Variants in FMNL1 observed in about 807,000 individuals in gnomAD.
The protein encoded by FMNL1 is formin-like protein 1.
A neutral mutation model predicts 121.3 loss-of-function variants in FMNL1; 43 were observed. That is an observed-to-expected ratio of 0.35 (90% confidence interval 0.28 to 0.46). The LOEUF (loss-of-function observed/expected upper bound fraction) is 0.46, where lower values mean the gene tolerates loss of function less well. FMNL1 is among the 20% of genes least tolerant of loss of function. The pLI is 1.00. For missense variants in FMNL1, 1,191 were observed against 1,482.4 expected (o/e 0.80, Z 3.23); for synonymous variants, 613 against 613.5 (o/e 1.00, Z 0.01).
intron 19 of FMNL1, 130 bp from the exon 20 acceptor site, chr17:45,244,689 G>T: frequency 3.3e-6 from 3 of 908,650 alleles, no homozygotes; most frequent in Non-Finnish European, 5.1e-6. Context: ...TGAGGGGCCT[G>T]TGCAGGAGTA....
Position 45,245,704 on chromosome 17 carries a change from C to T in FMNL1, c.2965C>T (p.Leu989Phe). 8 of 1,614,114 alleles carry T rather than the reference C, an allele frequency of 5.0e-6. No homozygotes were observed. Among genetic ancestry groups the T allele is most frequent in the South Asian group, 1.1e-5 (1 of 91,088 alleles). Residue 989 changes from leucine to phenylalanine, a missense_variant, in exon 23 of 27, where the codon CTC becomes TTC. Transcript: ENST00000331495. ...KTTSPGLFFS[L>F]FSRFIKAYKK... ...CACATCCCCAGGCCTGTTCTTCTCC[C>T]TCTTTAGCCGCTTCATTAAGGCCTA...
In FMNL1 at chr17:45,233,399, G is replaced by A; in HGVS notation, c.401+102G>A. On this transcript the variant is annotated intron_variant, in intron 4 of 26. Transcript: ENST00000331495. The surrounding 1 kb of genome is among the most constrained non-coding windows in gnomAD (Gnocchi z 4.1). ...CTACTCCCCCTGCCCCCTGCACAAG[G>A]CTGTGCTTGTGGACCACCTCCTGGA... 7.7e-7 allele frequency: 1 copy of A among 1,292,428 alleles called. No homozygotes were observed. The highest frequency in any genetic ancestry group is 1.1e-6 in the Non-Finnish European group (1 of 941,166). 80.1% of individuals were successfully genotyped at this position (1,292,428 alleles called of 1,614,324 possible).
At position 45,233,498 on chromosome 17, in the gene FMNL1, G is replaced by T; in HGVS notation, c.402-150G>T. ...CACCTTGAGGCATGGCTGGGCTGTGGGACCCACCTGAGTCTCCCAGAATCC... is the reference window on the plus strand; with the variant it reads ...CACCTTGAGGCATGGCTGGGCTGTGTGACCCACCTGAGTCTCCCAGAATCC... On this transcript the variant is annotated intron_variant, in intron 4 of 26. Coordinates refer to ENST00000331495, the MANE Select transcript of FMNL1 (RefSeq NM_005892.4). The surrounding 1 kb of genome is among the most constrained non-coding windows in gnomAD (Gnocchi z 4.1). 1 of 1,030,768 alleles carries T rather than the reference G, an allele frequency of 9.7e-7. No individual in the cohort carries two copies. The highest frequency in any genetic ancestry group is 1.4e-6 in the Non-Finnish European group (1 of 710,502). The allele number at this position is 1,030,768 out of a possible 1,614,324, so 63.9% of individuals were successfully genotyped here. A position where few individuals can be genotyped will look rare whatever the true frequency, so the allele number is the denominator to read the frequency against.
intron 3 of FMNL1, chr17:45,232,738 A>G (rs2043465276): frequency 1.7e-6 from 1 of 603,882 alleles, no homozygotes; most frequent in Admixed American, 2.3e-5. Flanking sequence ...ACACATGTGC[A>G]GCCCATATGT....
At chr17:45,240,977 G>A (rs1265068173) in intron 12 of FMNL1, 152 bp from the exon 13 acceptor site, 2 of 910,122 alleles carry the variant, frequency 2.2e-6, no homozygotes, top group Admixed American at 2.3e-5. Context: ...GCTTGGGTTC[G>A]AGTGCCAGGC....
intron 1 of FMNL1, among the ~76,000 whole-genome samples, chr17:45,224,699 G>A (rs1229681078): frequency 6.6e-6 from 1 of 152,228 alleles, no homozygotes; most frequent in Non-Finnish European, 1.5e-5. Context: ...TCCCATGCAA[G>A]GGTGGGTGGT....
At chr17:45,227,009 C>T (rs1049256183) in intron 1 of FMNL1, among the ~76,000 whole-genome samples, 39 of 151,838 alleles carry the variant, frequency 2.6e-4, no homozygotes, top group African/African-American at 8.2e-4. Context: ...GGATATGTGC[C>T]GAGAACACTA....
chr17:45,241,424 C>A lies in FMNL1; in HGVS notation c.1375C>A (p.Pro459Thr). The change falls in exon 14 of 27, where the codon CCC (proline) becomes ACC (threonine). Residue 459 changes from proline to threonine, a missense_variant. Physicochemically the swap from Pro to Thr is conservative, Grantham distance 38. Around this residue, in one of 4 missense-constraint regions of FMNL1, gnomAD observed 519 missense variants for 492.8 expected, o/e 1.05. Transcript: ENST00000331495. The surrounding 1 kb of genome is among the most constrained non-coding windows in gnomAD (Gnocchi z 7.0). ...ESTAMGPSRR[P>T]PEPEKAPPAA... Reference sequence around the variant, plus strand: ...GACCGCCATGGGGCCCTCCAGGCGTCCCCCAGAGCCTGAGAAAGCGCCTCC... The same window carrying A: ...GACCGCCATGGGGCCCTCCAGGCGTACCCCAGAGCCTGAGAAAGCGCCTCC... 6.4e-7 allele frequency: 1 copy of A among 1,561,570 alleles called. No individual in the cohort carries two copies. The highest frequency in any genetic ancestry group is 8.7e-7 in the Non-Finnish European group (1 of 1,153,526).
chr17:45,233,799 C>T lies in FMNL1; in HGVS notation c.485+68C>T. 1 of 1,584,466 alleles carries T rather than the reference C, an allele frequency of 6.3e-7. No homozygotes were observed. The highest frequency in any genetic ancestry group is 8.6e-7 in the Non-Finnish European group (1 of 1,162,258). On this transcript the variant is annotated intron_variant, in intron 5 of 26. Coordinates refer to ENST00000331495, the MANE Select transcript of FMNL1 (RefSeq NM_005892.4). This position sits in a 1 kb window ranked among gnomAD's most constrained non-coding sequence, Gnocchi z 4.1. ...TTGATCCCCGTCTCCCTGCATCTCA[C>T]CCACTCCCCTGGCCAGTTTCAAGCC...
In FMNL1 at chr17:45,242,023, C is replaced by T. The variant is rs2043712362; in HGVS notation, c.1762C>T (p.Pro588Ser). 7 of 1,348,380 alleles carry T rather than the reference C, an allele frequency of 5.2e-6. No homozygotes were observed. The highest frequency in any genetic ancestry group is 3.2e-5 in the South Asian group (2 of 63,416). 83.5% of individuals were successfully genotyped at this position (1,348,380 alleles called of 1,614,324 possible). A position where few individuals can be genotyped will look rare whatever the true frequency, so the allele number is the denominator to read the frequency against. The change falls in exon 15 of 27, where the codon CCC (proline) becomes TCC (serine). Residue 588 changes from proline (P) to serine (S), a missense_variant. Around this residue, in one of 4 missense-constraint regions of FMNL1, gnomAD observed 519 missense variants for 492.8 expected, o/e 1.05. Transcript: ENST00000331495. ...GCTGCCCGGAGACCTGCCGCCCCCA[C>T]CCCCGCCACCGCCACCACCTCCGGG... is the stretch of plus-strand genomic sequence containing the variant. ...PPLPGDLPPP[P>S]PPPPPPPGTD...
chr17:45,224,519 C>T (rs996745686), intron 1 of FMNL1, among the ~76,000 whole-genome samples: 11 of 152,180 alleles, frequency 7.2e-5, no homozygotes, highest in African/African-American at 2.7e-4. Context: ...GTCCTGCCCT[C>T]AGGGATGTAG....
At chr17:45,235,881 C>T (rs1045651950) in intron 6 of FMNL1, among the ~76,000 whole-genome samples, 6 of 152,208 alleles carry the variant, frequency 3.9e-5, no homozygotes. Context: ...TCTCTTCCTT[C>T]TATAGACCCT....
intron 21 of FMNL1, 26 bp downstream of exon 21, chr17:45,245,134 G>A: frequency 6.2e-7 from 1 of 1,612,376 alleles, no homozygotes; most frequent in Non-Finnish European, 8.5e-7. Flanking sequence ...ATCCTTGGGT[G>A]TGGGGAGGGG....
intron 15 of FMNL1, 34 bp from the exon 16 acceptor site, chr17:45,242,307 A>C: frequency 1.2e-6 from 2 of 1,609,664 alleles, no homozygotes; most frequent in Non-Finnish European, 1.7e-6. Context: ...TAGTACCCCC[A>C]GTGCTCACCA....
chr17:45,242,896 T>C (rs2043740433), intron 16 of FMNL1, among the ~76,000 whole-genome samples: 1 of 152,266 alleles, frequency 6.6e-6, no homozygotes, highest in African/African-American at 2.4e-5. Context: ...CCTTTAGCTC[T>C]TGTGGCCCCA....
intron 19 of FMNL1, among the ~76,000 whole-genome samples, chr17:45,244,473 C>G (rs2043783942): frequency 6.6e-6 from 1 of 152,236 alleles, no homozygotes; most frequent in Admixed American, 6.5e-5. Flanking sequence ...TAGCGTTGCT[C>G]TGTGAGCAAC....
intron 12 of FMNL1, 173 bp downstream of exon 12, chr17:45,240,798 G>A (rs2043671444): frequency 2.0e-6 from 2 of 997,098 alleles, no homozygotes; most frequent in Non-Finnish European, 2.9e-6. Flanking sequence ...AATCTGTTGG[G>A]TGTCTTTCTC....
Position 45,237,778 on chromosome 17 carries a change from A to C in FMNL1, c.894+139A>C. The C allele has an allele frequency of 1.1e-6, 1 of 885,672 alleles. No individual in the cohort carries two copies. The highest frequency in any genetic ancestry group is 1.8e-6 in the Non-Finnish European group (1 of 558,784). 54.9% of individuals were successfully genotyped at this position (885,672 alleles called of 1,614,324 possible). A position where few individuals can be genotyped will look rare whatever the true frequency, so the allele number is the denominator to read the frequency against. On this transcript the variant is annotated intron_variant, in intron 9 of 26. Coordinates refer to ENST00000331495, the MANE Select transcript of FMNL1 (RefSeq NM_005892.4). The surrounding 1 kb of genome is among the most constrained non-coding windows in gnomAD (Gnocchi z 4.4). ...GGGGAACGCCCAAAAGTTGAAGTTG[A>C]GCCACATCACTGGCTCAGCAATCTG...
intron 16 of FMNL1, 145 bp from the exon 17 acceptor site, chr17:45,242,973 A>T: frequency 1.2e-6 from 1 of 867,760 alleles, no homozygotes; most frequent in South Asian, 1.6e-5. Flanking sequence ...TGTGCCTCCC[A>T]TCAGGGCCTG....
Sources: allele counts gnomAD v4.1 joint callset (sites outside exome capture counted in the v4.1 genomes callset), GRCh38; gene constraint gnomAD v4.1.1; regional missense constraint gnomAD v4.1.1; non-coding constraint Gnocchi (gnomAD v3.1); transcripts MANE v1.5; gene names NCBI Gene and HGNC (gene_info 2026-07-23, HGNC 2026-07-21).